The following ERMP1 variants were observed in gnomAD, a reference collection of about 807,000 sequenced individuals.
ERMP1 encodes Felix-ina.
In ERMP1, 86 loss-of-function variants were observed where a neutral mutation model predicts 92.0. That is an observed-to-expected ratio of 0.93 (90% CI 0.79 to 1.12). ERMP1 has a LOEUF of 1.12. ERMP1 is among the 50% of genes most tolerant of loss of function. ERMP1 has a pLI of 0.00. For synonymous variants in ERMP1, 530 were observed against 412.8 expected, an observed-to-expected ratio of 1.28 and a Z score of -3.44; for missense variants, 1,342 against 1,116.3, an observed-to-expected ratio of 1.20 and a Z score of -2.88.
chr9:5,797,889 G>C lies in ERMP1; in HGVS notation c.2314C>G (p.Pro772Ala). 6.2e-7 allele frequency: 1 copy of C among 1,613,770 alleles called. No homozygotes were observed. Among genetic ancestry groups the C allele is most frequent in the African/African-American group, 1.3e-5 (1 of 75,002 alleles). The change falls in exon 13 of 15, where the codon CCT (proline) becomes GCT (alanine). Residue 772 changes from proline to alanine, a missense_variant. By Grantham distance (27) the Pro-to-Ala change is conservative. Coordinates refer to ENST00000339450, the MANE Select transcript of ERMP1 (RefSeq NM_024896.3). ...LPAPEVSPRN[P>A]PHFRLISKEQ... ...TTGGATATGAGTCGGAAATGAGGAG[G>C]ATTTCTTGGAGAAACTTCTGGGGCA...
At chr9:5,812,665 CTGT>C (rs1563760717) in intron 5 of ERMP1, 3 of 577,540 alleles carry the variant, frequency 5.2e-6, no homozygotes, top group Non-Finnish European at 9.2e-6. Flanking sequence ...CAGTTCACCC[CTGT>C]TCTTCTATGG....
chr9:5,863,558 G>C (rs1437334737), intron 5 of ERMP1, among the ~76,000 whole-genome samples: 1 of 152,112 alleles, frequency 6.6e-6, no homozygotes, highest in Non-Finnish European at 1.5e-5. Context: ...ACCTTGTTTG[G>C]GGCTGGCACA....
In ERMP1 at chr9:5,832,700, G is replaced by C. The variant is rs1830003061; in HGVS notation, c.328C>G (p.Leu110Val). 6.8e-7 allele frequency: 1 copy of C among 1,473,762 alleles called. No homozygotes were observed. 91.3% of individuals were successfully genotyped at this position (1,473,762 alleles called of 1,614,324 possible). The change falls in exon 1 of 15, where the codon CTC (leucine) becomes GTC (valine). Residue 110 changes from leucine to valine, a missense_variant. Transcript: ENST00000339450. ...AAGHRGEFDA[L>V]QARDYLEHIT... is the part of the protein sequence containing the mutation. ...GGGAGCGGCCGGTACCTGGCTTGGA[G>C]CGCGTCGAACTCCCCGCGGTGTCCA...
Position 5,791,916 on chromosome 9 carries a change from C to T in ERMP1, c.2387-4323G>A, listed in dbSNP as rs1369986493. Among the ~76,000 whole-genome samples the T allele has an allele frequency of 2.6e-5, 4 of 152,152 alleles. No homozygotes were observed. In the East Asian group the frequency reaches 7.7e-4, roughly 29 times the overall value. Reference sequence around the variant, plus strand: ...CTACATAATCGTGATACAAGATGGTCAGTGTTACAACAGATATACACAAAG... The same window carrying T: ...CTACATAATCGTGATACAAGATGGTTAGTGTTACAACAGATATACACAAAG... On this transcript the variant is annotated intron_variant, in intron 13 of 14. Transcript: ENST00000339450.
chr9:5,859,277 G>A (rs1830428600), intron 6 of ERMP1, among the ~76,000 whole-genome samples: 1 of 152,150 alleles, frequency 6.6e-6, no homozygotes, highest in Non-Finnish European at 1.5e-5. Flanking sequence ...TTTGGCAAAG[G>A]GAGCTCTTGC....
chr9:5,853,215 G>A (rs962038034), intron 6 of ERMP1, among the ~76,000 whole-genome samples: 1 of 152,134 alleles, frequency 6.6e-6, no homozygotes, highest in Non-Finnish European at 1.5e-5. Context: ...ACAGGAGAAG[G>A]GTGGAAATTT....
chr9:5,861,095 T>A (rs936138119), intron 5 of ERMP1, among the ~76,000 whole-genome samples: 4 of 151,812 alleles, frequency 2.6e-5, no homozygotes, highest in African/African-American at 9.7e-5. Flanking sequence ...GAGACAGGGA[T>A]CTAGTAAGAA....
chr9:5,847,451 C>T (rs1830251002), intron 6 of ERMP1, among the ~76,000 whole-genome samples: 1 of 152,094 alleles, frequency 6.6e-6, no homozygotes, highest in East Asian at 1.9e-4. Flanking sequence ...GTTGCCCAGG[C>T]TGGTCTTCAC....
At chr9:5,836,501 T>C (rs775911096), upstream of ERMP1, among the ~76,000 whole-genome samples, 2 of 152,110 alleles carry the variant, frequency 1.3e-5, no homozygotes, top group Non-Finnish European at 2.9e-5. Context: ...ATTCCAAACG[T>C]GGAAGAGTTT....
At chr9:5,829,344 T>G (rs936313960) in intron 2 of ERMP1, among the ~76,000 whole-genome samples, 1 of 152,164 alleles carries the variant, frequency 6.6e-6, no homozygotes, top group African/African-American at 2.4e-5. Flanking sequence ...CTAAACGCAA[T>G]TGTCAAGCTT....
rs557828593 is a variant in ERMP1, at chr9:5,791,342, C to G, written c.2387-3749G>C. 14 of 455,472 alleles carry G rather than the reference C, an allele frequency of 3.1e-5. No homozygotes were observed. In the East Asian group the frequency reaches 9.7e-4, roughly 32 times the overall value. The allele number at this position is 455,472 out of a possible 1,614,324, so 28.2% of individuals were successfully genotyped here. A position where few individuals can be genotyped will look rare whatever the true frequency, so the allele number is the denominator to read the frequency against. ...AGTCTGCTAGCAGAATTCCCCATTC[C>G]CTCTCCTTGGGGAAGGTCAGTCTTT... is the stretch of plus-strand genomic sequence containing the variant. On this transcript the variant is annotated intron_variant, in intron 13 of 14. Transcript: ENST00000339450.
At chr9:5,798,651 TAAA>T (rs57347922) in intron 12 of ERMP1, among the ~76,000 whole-genome samples, 152 bp downstream of exon 12, 1 of 119,300 alleles carries the variant, frequency 8.4e-6, no homozygotes, top group Non-Finnish European at 1.8e-5. Flanking sequence ...TTTATTCCAC[TAAA>T]AAAAAAAAAA....
Position 5,832,916 on chromosome 9 carries a change from G to T in ERMP1, c.112C>A (p.Pro38Thr). The change falls in exon 1 of 15, where the codon CCT (proline) becomes ACT (threonine). Residue 38 changes from proline to threonine, a missense_variant. By Grantham distance (38) the Pro-to-Thr change is conservative. Transcript: ENST00000339450. ...CCGCCGCTGCACCCATCCACCAGAG[G>T]CTCCTGCGCTCGGGCCTCCCTCTCC... is the stretch of plus-strand genomic sequence containing the variant. Reference protein sequence around the residue: ...PPEREARAQEPLVDGCSGGGR... With the variant: ...PPEREARAQETLVDGCSGGGR... 1 of 1,560,432 alleles carries T rather than the reference G, an allele frequency of 6.4e-7. No individual in the cohort carries two copies. The highest frequency in any genetic ancestry group is 1.2e-5 in the South Asian group (1 of 85,714).
upstream of ERMP1, among the ~76,000 whole-genome samples, chr9:5,835,347 T>C (rs1455459252): frequency 3.1e-5 from 4 of 127,354 alleles, no homozygotes; most frequent in Admixed American, 8.5e-5. Context: ...AAAGAGACAA[T>C]GAACGCGCGC....
At chr9:5,791,929 G>C (rs1828214119) in intron 13 of ERMP1, among the ~76,000 whole-genome samples, 1 of 152,182 alleles carries the variant, frequency 6.6e-6, no homozygotes, top group Non-Finnish European at 1.5e-5. Flanking sequence ...TGTTACAACA[G>C]ATATACACAA....
At chr9:5,823,326 A>AT (rs1161503834) in intron 4 of ERMP1, among the ~76,000 whole-genome samples, 1 of 152,140 alleles carries the variant, frequency 6.6e-6, no homozygotes, top group African/African-American at 2.4e-5. Flanking sequence ...ATATTACTAA[A>AT]TTTTTTTAAC....
intron 13 of ERMP1, among the ~76,000 whole-genome samples, chr9:5,792,526 G>C (rs896080249): frequency 6.6e-6 from 1 of 152,138 alleles, no homozygotes; most frequent in Non-Finnish European, 1.5e-5. Context: ...ATCATAACCA[G>C]TCTCAACTTC....
intron 5 of ERMP1, among the ~76,000 whole-genome samples, chr9:5,866,986 G>C (rs1019744750): frequency 2.0e-5 from 3 of 152,192 alleles, no homozygotes; most frequent in African/African-American, 4.8e-5. Context: ...CAGAAGGATT[G>C]CTTGAACCCA....
rs756496609 is a variant in ERMP1, at chr9:5,787,495, C to G, written c.2485G>C (p.Asp829His). Reference sequence around the variant, plus strand: ...CCATGGGAGTAAAAGACAAAGTAGTCTCCTCCTTTACTTGTGACTGGGGTG... The same window carrying G: ...CCATGGGAGTAAAAGACAAAGTAGTGTCCTCCTTTACTTGTGACTGGGGTG... ...NGTPVTSKGG[D>H]YFVFYSHGLQ... The change falls in exon 14 of 15, where the codon GAC becomes CAC. Residue 829 changes from aspartate (D) to histidine (H), a missense_variant. Physicochemically the swap from Asp to His is moderately conservative, Grantham distance 81. Transcript: ENST00000339450. 46 of 1,613,932 alleles carry G rather than the reference C, an allele frequency of 2.9e-5. No homozygotes were observed. Among genetic ancestry groups the G allele is most frequent in the South Asian group, 6.6e-5 (6 of 91,066 alleles).
Sources: gnomAD v4.1 joint callset for allele counts (sites outside exome capture counted in the v4.1 genomes callset) on GRCh38, gnomAD v4.1.1 for gene constraint, MANE v1.5 for transcripts, NCBI Gene and HGNC (gene_info 2026-07-23, HGNC 2026-07-21) for gene names.